The following RAB9A variants were observed in gnomAD, a reference collection of about 807,000 sequenced individuals.
RAB9A encodes ras-related protein Rab-9A.
Under a neutral mutation model 10.3 loss-of-function variants are expected in RAB9A, and 1 was observed. The observed-to-expected ratio is 0.10, with a 90% confidence interval of 0.03 to 0.46. The LOEUF (loss-of-function observed/expected upper bound fraction) is 0.46. Ranked by LOEUF, RAB9A falls within the 20% of genes least tolerant of loss-of-function variation. The probability of loss-of-function intolerance (pLI) is 0.96; values close to 1 mark genes in which losing one functional copy is unlikely to be tolerated. For missense variants in RAB9A, 92 were observed against 150.3 expected (o/e 0.61, Z 2.03); for synonymous variants, 39 against 55.2 (o/e 0.71, Z 1.30).
At chrX:13,704,639 G>T (rs1419791752) in intron 2 of RAB9A, among the ~76,000 whole-genome samples, 1 of 100,123 alleles carries the variant, frequency 1.0e-5, no homozygotes, top group Non-Finnish European at 2.0e-5. Flanking sequence ...TTTTTAGATA[G>T]AGTCTAGCTC....
chrX:13,705,693 T>C (rs183194306), intron 2 of RAB9A, among the ~76,000 whole-genome samples: 62 of 112,016 alleles, frequency 5.5e-4, no homozygotes, highest in African/African-American at 2.0e-3. Flanking sequence ...CTTATTAAAA[T>C]ACTGGAATAA....
At chrX:13,700,970 C>T (rs2046170536) in intron 1 of RAB9A, among the ~76,000 whole-genome samples, 1 of 111,358 alleles carries the variant, frequency 9.0e-6, no homozygotes, top group Non-Finnish European at 1.9e-5. Context: ...TGAAGTTTTA[C>T]CATGTAGCCC....
At chrX:13,696,276 GCCAGTCTTGGTGGTATGCACCTGTAGTC>G (rs1736678751) in intron 1 of RAB9A, among the ~76,000 whole-genome samples, 1 of 107,710 alleles carries the variant, frequency 9.3e-6, no homozygotes, top group Admixed American at 9.9e-5. Context: ...AAAAAAATTA[GCCAGTCTTGGTGGTATGCACCTGTAGTC>G]CCAGCTACTC....
intron 1 of RAB9A, among the ~76,000 whole-genome samples, chrX:13,691,984 A>G (rs2046126918): frequency 9.1e-6 from 1 of 109,573 alleles, no homozygotes; most frequent in Admixed American, 9.8e-5. Flanking sequence ...CCAGGTGTTC[A>G]TTAAAAAAAA....
intron 2 of RAB9A, 128 bp downstream of exon 2, chrX:13,704,030 A>G (rs1162948623): frequency 8.9e-6 from 1 of 111,902 alleles, no homozygotes; most frequent in Non-Finnish European, 1.9e-5. Flanking sequence ...TTTGATTTGC[A>G]CAGAAACAAG....
At chrX:13,700,375 AAACT>A (rs925520480) in intron 1 of RAB9A, among the ~76,000 whole-genome samples, 3 of 112,278 alleles carry the variant, frequency 2.7e-5, no homozygotes, top group African/African-American at 9.7e-5. Flanking sequence ...TACTACTGAT[AAACT>A]ATTCATGAAC....
At chrX:13,691,941 G>T (rs749981240) in intron 1 of RAB9A, among the ~76,000 whole-genome samples, 1 of 109,261 alleles carries the variant, frequency 9.2e-6, no homozygotes, top group Non-Finnish European at 1.9e-5. Context: ...TCCTAGAACA[G>T]AATTTATTGC....
At chrX:13,699,358 A>G (rs1229856446) in intron 1 of RAB9A, among the ~76,000 whole-genome samples, 14 of 112,462 alleles carry the variant, frequency 1.2e-4, no homozygotes, top group Non-Finnish European at 1.7e-4. Context: ...AGAGGAAGTA[A>G]TATACTCTTC....
At chrX:13,699,132 T>C (rs980610196) in intron 1 of RAB9A, among the ~76,000 whole-genome samples, 1 of 111,551 alleles carries the variant, frequency 9.0e-6, no homozygotes, top group Non-Finnish European at 1.9e-5. Flanking sequence ...ATGTAGTCGT[T>C]TTTCAGCATT....
intron 2 of RAB9A, among the ~76,000 whole-genome samples, chrX:13,706,804 T>C (rs777181821): frequency 5.6e-4 from 63 of 111,518 alleles, no homozygotes; most frequent in Non-Finnish European, 1.1e-3. Flanking sequence ...TACAAGCCAC[T>C]ACAAGGTTTT....
In RAB9A at chrX:13,692,953, A is replaced by C. The variant is rs573552582; in HGVS notation, c.-116+3665A>C. Among the ~76,000 whole-genome samples, 7 of 112,424 alleles carry C rather than the reference A, an allele frequency of 6.2e-5. No homozygotes were observed. In the South Asian group the frequency reaches 1.8e-3, roughly 29 times the overall value. The stretch of plus-strand genomic sequence containing the variant: ...ATGATTGCTAGTGCATACACATGGA[A>C]TCTAACAAAAGTGACGTGTTTTATT... On this transcript the variant is annotated intron_variant, in intron 1 of 2. Coordinates refer to ENST00000464506, the MANE Select transcript of RAB9A (RefSeq NM_004251.5).
chrX:13,697,856 A>G (rs762199835), intron 1 of RAB9A, among the ~76,000 whole-genome samples: 2 of 112,146 alleles, frequency 1.8e-5, no homozygotes, highest in East Asian at 5.6e-4. Context: ...CTTATTTCAC[A>G]TGTGATTCTA....
At chrX:13,698,195 T>C (rs981405888) in intron 1 of RAB9A, among the ~76,000 whole-genome samples, 120 of 46,349 alleles carry the variant, frequency 2.6e-3, no homozygotes, top group South Asian at 8.9e-3. Context: ...TTTTTCTTTT[T>C]TTTTTTTTTT....
At chrX:13,693,980 A>G (rs2046137039) in intron 1 of RAB9A, among the ~76,000 whole-genome samples, 1 of 111,996 alleles carries the variant, frequency 8.9e-6, no homozygotes, top group Non-Finnish European at 1.9e-5. Flanking sequence ...ACAACTGGAC[A>G]CATTCATTTC....
chrX:13,699,660 C>G (rs1333388562), intron 1 of RAB9A, among the ~76,000 whole-genome samples: 1 of 112,377 alleles, frequency 8.9e-6, no homozygotes, highest in Non-Finnish European at 1.9e-5. Flanking sequence ...CTTCTGATGA[C>G]TAAGATTGTC....
At chrX:13,700,291 A>G (rs544839721) in intron 1 of RAB9A, among the ~76,000 whole-genome samples, 1 of 111,562 alleles carries the variant, frequency 9.0e-6, no homozygotes, top group Non-Finnish European at 1.9e-5. Context: ...GAGGCTTTCT[A>G]TTCTTCCCCT....
At chrX:13,703,429 G>C (rs781012377) in intron 1 of RAB9A, among the ~76,000 whole-genome samples, 1 of 112,321 alleles carries the variant, frequency 8.9e-6, no homozygotes, top group African/African-American at 3.2e-5. Flanking sequence ...TGTTGTTGTT[G>C]TTTCATCTTC....
chrX:13,707,888 GT>G (rs2046204469), intron 2 of RAB9A, among the ~76,000 whole-genome samples: 1 of 112,346 alleles, frequency 8.9e-6, no homozygotes, highest in Non-Finnish European at 1.9e-5. Flanking sequence ...AGGTAAGTCA[GT>G]TTCTGTCTCT....
chrX:13,697,929 G>A (rs775590752), intron 1 of RAB9A, among the ~76,000 whole-genome samples: 1 of 111,573 alleles, frequency 9.0e-6, no homozygotes, highest in Non-Finnish European at 1.9e-5. Context: ...CTCTAGGCCT[G>A]CACTGTCCAA....
Sources: allele counts gnomAD v4.1 joint callset (sites outside exome capture counted in the v4.1 genomes callset), GRCh38; gene constraint gnomAD v4.1.1; transcripts MANE v1.5; gene names NCBI Gene and HGNC (gene_info 2026-07-23, HGNC 2026-07-21).